TENM3: variants seen among roughly 807,000 people sequenced by gnomAD.
TENM3 encodes teneurin transmembrane protein 3.
In TENM3, 63 loss-of-function variants were observed where a neutral mutation model predicts 255.1. That is an observed-to-expected ratio of 0.25 (90% CI 0.20 to 0.30). The LOEUF is 0.30. TENM3 is among the 10% of genes least tolerant of loss of function. The pLI, the probability that TENM3 is intolerant of heterozygous loss-of-function variation, is 1.00. For missense variants in TENM3, 2,929 were observed against 3,461.1 expected (o/e 0.85, Z 3.86); for synonymous variants, 1,306 against 1,322.3 (o/e 0.99, Z 0.27).
intron 25 of TENM3, among the ~76,000 whole-genome samples, chr4:182,790,004 G>A (rs548044288): frequency 6.6e-6 from 1 of 152,244 alleles, no homozygotes; most frequent in Admixed American, 6.5e-5. Flanking sequence ...AGAATTACAC[G>A]TGTGCAAAAT....
At chr4:181,513,149 A>G in the TENM3 span, among the ~76,000 whole-genome samples, 9 of 152,128 alleles carry the variant, frequency 5.9e-5, no homozygotes, top group Non-Finnish European at 1.2e-4. Context: ...GGTGTTATTT[A>G]TACCATTTTG....
intron 1 of TENM3, among the ~76,000 whole-genome samples, chr4:182,231,076 G>T (rs186537027): frequency 6.6e-6 from 1 of 151,850 alleles, no homozygotes; most frequent in Non-Finnish European, 1.5e-5. Flanking sequence ...GGGCCTCCTT[G>T]TGTTCCAGGG....
At chr4:181,519,373 T>C in the TENM3 span, among the ~76,000 whole-genome samples, 1 of 152,246 alleles carries the variant, frequency 6.6e-6, no homozygotes, top group Non-Finnish European at 1.5e-5. Context: ...ATATAACTTA[T>C]TAAAGCATTG....
At chr4:181,537,788 A>G in the TENM3 span, among the ~76,000 whole-genome samples, 1 of 152,226 alleles carries the variant, frequency 6.6e-6, no homozygotes, top group Admixed American at 6.5e-5. Flanking sequence ...CAGCCTCCCT[A>G]GTTAAGGTAA....
At position 182,372,743 on chromosome 4, in the gene TENM3, T is replaced by C. The variant is rs181764510; in HGVS notation, c.511+25814T>C. ...TTGATAATTTTGACAGATTAATAAT[T>C]TTCTTTTTTGAGTCTCGCTCTGTCA... On this transcript the variant is annotated intron_variant, in intron 3 of 27. Transcript: ENST00000511685. Among the ~76,000 whole-genome samples, 7 of 152,286 alleles carry C rather than the reference T, an allele frequency of 4.6e-5. No individual in the cohort carries two copies. In the East Asian group the frequency reaches 1.4e-3, roughly 29 times the overall value.
At chr4:182,519,599 A>T (rs1274904639) in intron 3 of TENM3, among the ~76,000 whole-genome samples, 7 of 152,190 alleles carry the variant, frequency 4.6e-5, no homozygotes, top group African/African-American at 1.4e-4. Flanking sequence ...CTGAAATCCA[A>T]TCCCATGTCT....
chr4:182,004,432 G>A, the TENM3 span, among the ~76,000 whole-genome samples: 5 of 152,120 alleles, frequency 3.3e-5, no homozygotes, highest in Non-Finnish European at 5.9e-5. Context: ...ATTACATGGT[G>A]TATACTATGG....
chr4:182,434,530 G>T (rs1771900949), intron 3 of TENM3, among the ~76,000 whole-genome samples: 1 of 151,868 alleles, frequency 6.6e-6, no homozygotes, highest in Non-Finnish European at 1.5e-5. Flanking sequence ...GAGCGTGATG[G>T]TGGGCACCTG....
the TENM3 span, among the ~76,000 whole-genome samples, chr4:181,769,099 T>G: frequency 2.6e-5 from 4 of 152,168 alleles, no homozygotes; most frequent in African/African-American, 9.7e-5. Flanking sequence ...TTGATTGGAT[T>G]TTATAGGGTA....
chr4:182,069,574 C>A, the TENM3 span, among the ~76,000 whole-genome samples: 1 of 151,980 alleles, frequency 6.6e-6, no homozygotes, highest in African/African-American at 2.4e-5. Flanking sequence ...TGTGTTCAAA[C>A]CCTTTATTTT....
chr4:182,614,288 C>T (rs1325982571), intron 4 of TENM3, among the ~76,000 whole-genome samples: 1 of 151,946 alleles, frequency 6.6e-6, no homozygotes, highest in Admixed American at 6.6e-5. Flanking sequence ...AAACATTTAT[C>T]ATTAAATGCA....
At chr4:182,423,466 G>T (rs1481859781) in intron 3 of TENM3, among the ~76,000 whole-genome samples, 2 of 152,086 alleles carry the variant, frequency 1.3e-5, no homozygotes, top group African/African-American at 4.8e-5. Flanking sequence ...CCTGTATTAA[G>T]GATGTAGTGT....
At chr4:181,460,786 G>A in the TENM3 span, among the ~76,000 whole-genome samples, 1 of 150,340 alleles carries the variant, frequency 6.7e-6, no homozygotes, top group African/African-American at 2.4e-5. Flanking sequence ...ACTTGCAACA[G>A]TGTAGGTTCA....
intron 18 of TENM3, among the ~76,000 whole-genome samples, chr4:182,742,128 G>T (rs1467512384): frequency 1.3e-5 from 2 of 152,216 alleles, no homozygotes; most frequent in Admixed American, 1.3e-4. Context: ...CATAAACTGT[G>T]CATGGAACAA....
rs182344867 is a variant in TENM3, at chr4:182,785,074, C to T, written c.5305-4019C>T. On this transcript the variant is annotated intron_variant, in intron 24 of 27. Coordinates refer to ENST00000511685, the MANE Select transcript of TENM3 (RefSeq NM_001080477.4). ...TGTTCCTATTCGGCCATCTTGGCTCCTCCCCCATATTTTTTTTCTTGAGAC... is the reference window on the plus strand; with the variant it reads ...TGTTCCTATTCGGCCATCTTGGCTCTTCCCCCATATTTTTTTTCTTGAGAC... Among the ~76,000 whole-genome samples the T allele has an allele frequency of 4.6e-3, 689 of 148,632 alleles. 3 individuals are homozygous for T. Among genetic ancestry groups the T allele is most frequent in the African/African-American group, 0.016 (641 of 39,950 alleles).
chr4:182,346,971 T>C (rs1391588435), intron 3 of TENM3, 42 bp downstream of exon 3: 4 of 1,373,080 alleles, frequency 2.9e-6, no homozygotes, highest in African/African-American at 1.5e-5. Context: ...CATTCAGTGC[T>C]TCTGTCTGTT....
intron 3 of TENM3, among the ~76,000 whole-genome samples, chr4:182,471,325 G>A (rs1393236834): frequency 3.3e-5 from 5 of 152,202 alleles, no homozygotes; most frequent in Non-Finnish European, 4.4e-5. Context: ...CATGGATGCA[G>A]TCTAAGAAAA....
chr4:182,270,396 C>T (rs1349471461), intron 1 of TENM3, among the ~76,000 whole-genome samples: 1 of 152,130 alleles, frequency 6.6e-6, no homozygotes, highest in East Asian at 1.9e-4. Flanking sequence ...CTATTCCAGA[C>T]TGAAGGTGGA....
chr4:182,771,859 AAAC>A (rs1272255222), intron 22 of TENM3, among the ~76,000 whole-genome samples: 1 of 152,294 alleles, frequency 6.6e-6, no homozygotes, highest in South Asian at 2.1e-4. Context: ...TTGTGAGTCT[AAAC>A]AATGATTCCA....
Sources: allele counts gnomAD v4.1 joint callset (sites outside exome capture counted in the v4.1 genomes callset), GRCh38; gene constraint gnomAD v4.1.1; transcripts MANE v1.5; gene names NCBI Gene and HGNC (gene_info 2026-07-23, HGNC 2026-07-21).